Variants in CD1B observed in about 807,000 individuals in gnomAD.
The protein encoded by CD1B is T-cell surface glycoprotein CD1b.
CD1B carries 43 observed loss-of-function variants against 39.8 expected under a neutral mutation model. The observed-to-expected ratio is 1.08, with a 90% CI of 0.85 to 1.39. CD1B has a LOEUF of 1.39. CD1B is among the 40% of genes most tolerant of loss of function. CD1B has a pLI of 0.00. For synonymous variants in CD1B, 192 were observed against 152.5 expected, an observed-to-expected ratio of 1.26 and a Z score of -1.91; for missense variants, 495 against 403.8, an observed-to-expected ratio of 1.23 and a Z score of -1.94.
rs1188010034 is a variant in CD1B, at chr1:158,329,002, G to A, written c.899C>T (p.Ser300Phe). Reference sequence around the variant, plus strand: ...TATTGCCAAAACAATTGAGCCAATGGAGGTGGGGTTTCCTGGCAATTGAGA... The same window carrying A: ...TATTGCCAAAACAATTGAGCCAATGAAGGTGGGGTTTCCTGGCAATTGAGA... ...DIILYWRNPT[S>F]IGSIVLAIIV... is the part of the protein sequence containing the mutation. The change falls in exon 5 of 6, where the codon TCC becomes TTC. Residue 300 changes from serine (S) to phenylalanine (F), a missense_variant. Coordinates refer to ENST00000368168, the MANE Select transcript of CD1B (RefSeq NM_001764.3). 6.2e-7 allele frequency: 1 copy of A among 1,613,486 alleles called. No individual in the cohort carries two copies. The highest frequency in any genetic ancestry group is 1.3e-5 in the African/African-American group (1 of 74,842).
chr1:158,293,679 C>A, the CD1B span: 1 of 1,247,366 alleles, frequency 8.0e-7, no homozygotes, highest in Non-Finnish European at 1.1e-6. Context: ...ACCTTCAAAG[C>A]CCATTTCTGA....
chr1:158,290,449 G>T, the CD1B span, among the ~76,000 whole-genome samples: 1 of 152,152 alleles, frequency 6.6e-6, no homozygotes, highest in Non-Finnish European at 1.5e-5. Context: ...GGTCCAGAGG[G>T]ATGAAGCAAC....
chr1:158,316,705 G>T, the CD1B span, among the ~76,000 whole-genome samples: 2 of 151,014 alleles, frequency 1.3e-5, no homozygotes, highest in African/African-American at 4.9e-5. Flanking sequence ...TTGAATAGGA[G>T]TGGTGAGAGA....
the CD1B span, among the ~76,000 whole-genome samples, chr1:158,289,008 C>G: frequency 6.6e-6 from 1 of 152,120 alleles, no homozygotes; most frequent in Non-Finnish European, 1.5e-5. Flanking sequence ...CTGACTATCA[C>G]AATCGTATAC....
At chr1:158,291,282 C>G in the CD1B span, 1 of 1,614,160 alleles carries the variant, frequency 6.2e-7, no homozygotes, top group Non-Finnish European at 8.5e-7. Context: ...TCCTGCATAA[C>G]TGGTCCAAGG....
chr1:158,327,568 C>T (rs545816891), downstream of CD1B, among the ~76,000 whole-genome samples: 13 of 152,124 alleles, frequency 8.5e-5, no homozygotes, highest in Non-Finnish European at 1.3e-4. Context: ...ATAGTTTTTA[C>T]TGAGAAAATG....
chr1:158,301,324 G>C, the CD1B span, among the ~76,000 whole-genome samples: 4 of 152,118 alleles, frequency 2.6e-5, no homozygotes, highest in Non-Finnish European at 5.9e-5. Context: ...ATTTGATTCT[G>C]TCTTTATGAT....
At chr1:158,299,585 A>G in the CD1B span, among the ~76,000 whole-genome samples, 4 of 152,166 alleles carry the variant, frequency 2.6e-5, no homozygotes, top group Non-Finnish European at 5.9e-5. Context: ...TTGTACCTTT[A>G]GTAGAATTTG....
chr1:158,299,416 C>CA, the CD1B span, among the ~76,000 whole-genome samples: 5 of 152,134 alleles, frequency 3.3e-5, no homozygotes, highest in African/African-American at 1.2e-4. Flanking sequence ...ATTTTGTTTG[C>CA]CAGTATTTTA....
At chr1:158,313,413 T>A in the CD1B span, among the ~76,000 whole-genome samples, 1 of 152,214 alleles carries the variant, frequency 6.6e-6, no homozygotes, top group South Asian at 2.1e-4. Flanking sequence ...TGGGCTTGGG[T>A]GATCCTCCAA....
chr1:158,310,082 CA>C, the CD1B span, among the ~76,000 whole-genome samples: 1 of 151,992 alleles, frequency 6.6e-6, no homozygotes, highest in Non-Finnish European at 1.5e-5. Flanking sequence ...TACAAGGCTA[CA>C]GTAACCAAAA....
chr1:158,320,139 G>A, the CD1B span, among the ~76,000 whole-genome samples: 6 of 152,198 alleles, frequency 3.9e-5, no homozygotes, highest in African/African-American at 1.2e-4. Context: ...CCCAGAGGTG[G>A]AGCCTACAGA....
intron 5 of CD1B, among the ~76,000 whole-genome samples, chr1:158,328,593 A>G (rs1652452175): frequency 6.6e-6 from 1 of 152,204 alleles, no homozygotes; most frequent in African/African-American, 2.4e-5. Context: ...CCTGGAGAAG[A>G]GGGGAAATGG....
At chr1:158,286,445 A>G in the CD1B span, among the ~76,000 whole-genome samples, 2 of 152,196 alleles carry the variant, frequency 1.3e-5, no homozygotes, top group Non-Finnish European at 2.9e-5. Flanking sequence ...TGTGTATAAA[A>G]TTGTCATACT....
At chr1:158,325,490 T>G (rs1164494474), downstream of CD1B, among the ~76,000 whole-genome samples, 1 of 152,190 alleles carries the variant, frequency 6.6e-6, no homozygotes, top group Non-Finnish European at 1.5e-5. Context: ...TCTCACTACA[T>G]TTTTGAAAAA....
chr1:158,329,784 TC>T (rs1384486507), intron 3 of CD1B, 67 bp downstream of exon 3: 21 of 1,567,030 alleles, frequency 1.3e-5, no homozygotes, highest in Non-Finnish European at 1.7e-5. Context: ...TAAGCTCCTA[TC>T]CTTTGATATC....
the CD1B span, among the ~76,000 whole-genome samples, chr1:158,315,119 G>A: frequency 3.4e-4 from 52 of 151,956 alleles, no homozygotes; most frequent in African/African-American, 1.1e-3. Context: ...ATAAACACAC[G>A]TGTGCATGTG....
chr1:158,329,915 C>T lies in CD1B; in HGVS notation c.544G>A (p.Glu182Lys). 4 of 1,614,138 alleles carry T rather than the reference C, an allele frequency of 2.5e-6. No individual in the cohort carries two copies. Among genetic ancestry groups the T allele is most frequent in the Non-Finnish European group, 3.4e-6 (4 of 1,180,026 alleles). Residue 182 changes from glutamate to lysine, a missense_variant, in exon 3 of 6, where the codon GAA (glutamate) becomes AAA (lysine). Physicochemically the swap from Glu to Lys is moderately conservative, Grantham distance 56 (BLOSUM62 1). Coordinates refer to ENST00000368168, the MANE Select transcript of CD1B (RefSeq NM_001764.3). ...CCCAAGAGATATCGGGGGCAGGTTT[C>T]ATAGAGGAGAATTCTCACAGTTTCC... ...IMETVRILLYETCPRYLLGVL... is the reference protein window; with the variant it reads ...IMETVRILLYKTCPRYLLGVL...
chr1:158,321,165 C>G, the CD1B span, among the ~76,000 whole-genome samples: 4 of 152,130 alleles, frequency 2.6e-5, no homozygotes, highest in African/African-American at 7.2e-5. Flanking sequence ...TTAGCATTTG[C>G]TTTATATATT....
Sources: allele counts gnomAD v4.1 joint callset (sites outside exome capture counted in the v4.1 genomes callset), GRCh38; gene constraint gnomAD v4.1.1; transcripts MANE v1.5; gene names NCBI Gene and HGNC (gene_info 2026-07-23, HGNC 2026-07-21).